TRIM23: variants seen among roughly 807,000 people sequenced by gnomAD.
TRIM23 encodes tripartite motif containing 23, also known as E3 ubiquitin-protein ligase TRIM23.
A neutral mutation model predicts 71.0 loss-of-function variants in TRIM23; 27 were observed. The ratio of observed to expected loss-of-function variants is 0.38; its 90% CI spans 0.28 to 0.52. TRIM23 has a LOEUF of 0.52. TRIM23 is among the 20% of genes least tolerant of loss of function. The pLI, the probability that TRIM23 is intolerant of heterozygous loss-of-function variation, is 0.84. For missense variants in TRIM23, 482 were observed against 692.3 expected (o/e 0.70, Z 3.41); for synonymous variants, 234 against 238.0 (o/e 0.98, Z 0.16).
At position 65,611,828 on chromosome 5, in the gene TRIM23, A is replaced by G. The variant is rs80051180; in HGVS notation, c.420T>C (p.Thr140=). The G allele has an allele frequency of 5.6e-5, 91 of 1,613,974 alleles. No individual in the cohort carries two copies. Among genetic ancestry groups the G allele is most frequent in the Non-Finnish European group, 7.6e-5 (90 of 1,179,946 alleles). The change falls in exon 4 of 11, where the codon ACT becomes ACC. Residue 140 remains threonine (T), a synonymous_variant. Coordinates refer to ENST00000231524, the MANE Select transcript of TRIM23 (RefSeq NM_001656.4). The stretch of plus-strand genomic sequence containing the variant: ...CAGAGCACAAATGAGTTGCACACAC[A>G]GTGCAATATACAGAGGCAAGGTGAG... ...DEAHLASVYC[T]VCATHLCSEC...
chr5:65,599,963 G>A (rs1447678637), intron 7 of TRIM23, among the ~76,000 whole-genome samples: 1 of 152,146 alleles, frequency 6.6e-6, no homozygotes, highest in Non-Finnish European at 1.5e-5. Flanking sequence ...GCATGATGCT[G>A]GCATCAGCTT....
intron 7 of TRIM23, among the ~76,000 whole-genome samples, chr5:65,601,589 C>G (rs961369659): frequency 2.6e-5 from 4 of 152,166 alleles, no homozygotes; most frequent in African/African-American, 4.8e-5. Context: ...CATGGGAATT[C>G]TGAGAGATAC....
chr5:65,619,252 C>A (rs1029393331), intron 1 of TRIM23, among the ~76,000 whole-genome samples: 2 of 152,128 alleles, frequency 1.3e-5, no homozygotes, highest in Non-Finnish European at 2.9e-5. Flanking sequence ...TCTCTTCATG[C>A]TAACACTGAG....
intron 1 of TRIM23, among the ~76,000 whole-genome samples, chr5:65,623,412 A>G (rs956654413): frequency 6.6e-5 from 10 of 152,238 alleles, no homozygotes. Context: ...AGGTTACTCT[A>G]TAAACCAATG....
intron 1 of TRIM23, among the ~76,000 whole-genome samples, chr5:65,621,460 T>C (rs1001819491): frequency 2.0e-5 from 3 of 152,236 alleles, no homozygotes; most frequent in African/African-American, 7.2e-5. Flanking sequence ...AAGAACCATA[T>C]TAAAATTGTT....
At position 65,590,155 on chromosome 5, in the gene TRIM23, TTAAC is replaced by T. The variant is rs1400197375; in HGVS notation, c.*1610_*1613del. 2 of 561,558 alleles carry T rather than the reference TTAAC, an allele frequency of 3.6e-6. No individual in the cohort carries two copies. Among genetic ancestry groups the T allele is most frequent in the African/African-American group, 1.9e-5 (1 of 51,412 alleles). The allele number at this position is 561,558 out of a possible 1,614,324, so 34.8% of individuals were successfully genotyped here. A position where few individuals can be genotyped will look rare whatever the true frequency, so the allele number is the denominator to read the frequency against. On this transcript the variant is annotated 3_prime_UTR_variant, in exon 11 of 11. Coordinates refer to ENST00000231524, the MANE Select transcript of TRIM23 (RefSeq NM_001656.4). Reference sequence around the variant, plus strand: ...CCTTAGTGTTACACTTTTTCTTCAATTAACTAGTAAACAGTTCAAGTTCTCACAA... The same window carrying T: ...CCTTAGTGTTACACTTTTTCTTCAATTAGTAAACAGTTCAAGTTCTCACAA...
chr5:65,591,509 TAAC>T lies in TRIM23; in HGVS notation c.*257_*259del. The T allele has an allele frequency of 6.4e-7, 1 of 1,556,894 alleles. No individual in the cohort carries two copies. The highest frequency in any genetic ancestry group is 8.7e-7 in the Non-Finnish European group (1 of 1,143,448). Reference sequence around the variant, plus strand: ...TCACATATTATCTGAAAAACTTAAATAACAAATATACTTTTTAAAAGAATGTAT... The same window carrying T: ...TCACATATTATCTGAAAAACTTAAATAAATATACTTTTTAAAAGAATGTAT... On this transcript the variant is annotated 3_prime_UTR_variant, in exon 11 of 11. Transcript: ENST00000231524.
rs774990380 is a variant in TRIM23 at position 65,610,814 on chromosome 5, G to A, written c.828+47C>T. 2.7e-6 allele frequency: 4 copies of A among 1,488,416 alleles called. No individual in the cohort carries two copies. In the African/African-American group the frequency reaches 5.7e-5, roughly 21 times the overall value. 92.2% of individuals were successfully genotyped at this position (1,488,416 alleles called of 1,614,324 possible). ...ATTACTTAGTAGAAGGTGAAAATAT[G>A]AAAAATAAAAAAGAATGAGAAAGTG... On this transcript the variant is annotated intron_variant, in intron 5 of 10. Coordinates refer to ENST00000231524, the MANE Select transcript of TRIM23 (RefSeq NM_001656.4).
rs539343736 is a variant in TRIM23, at chr5:65,621,414, T to C, written c.81+2780A>G. On this transcript the variant is annotated intron_variant, in intron 1 of 10. Transcript: ENST00000231524. The stretch of plus-strand genomic sequence containing the variant: ...ACATTTTATAAATGCTGTATTATGA[T>C]ACTCTAATAAAGTAAATTTATGACA... Among the ~76,000 whole-genome samples the C allele has an allele frequency of 1.2e-4, 19 of 152,314 alleles. No homozygotes were observed. The East Asian group carries it at 3.5e-3, about 28-fold the overall frequency.
At position 65,590,768 on chromosome 5, in the gene TRIM23, A is replaced by C; in HGVS notation, c.*1001T>G. ...AGCCTTAAGTTTTATTGTCAAAATA[A>C]ATGCACTTATTTTGGGAAACAGTTT... On this transcript the variant is annotated 3_prime_UTR_variant, in exon 11 of 11. Transcript: ENST00000231524. 2.0e-6 allele frequency: 2 copies of C among 985,456 alleles called. No homozygotes were observed. The highest frequency in any genetic ancestry group is 2.4e-6 in the Non-Finnish European group (2 of 829,954). 61.0% of individuals were successfully genotyped at this position (985,456 alleles called of 1,614,324 possible).
chr5:65,619,668 T>C (rs1021068243), intron 1 of TRIM23, among the ~76,000 whole-genome samples: 5 of 152,236 alleles, frequency 3.3e-5, no homozygotes, highest in Middle Eastern at 6.8e-3. Flanking sequence ...AGTCCTTCAA[T>C]GTAAATAAGG....
intron 9 of TRIM23, among the ~76,000 whole-genome samples, chr5:65,595,559 A>C (rs1187087115): frequency 2.2e-4 from 6 of 27,052 alleles, no homozygotes; most frequent in African/African-American, 7.4e-4. Context: ...CTCGATCTCA[A>C]AAAAAAAAAA....
intron 4 of TRIM23, 96 bp from the exon 5 acceptor site, chr5:65,611,139 C>A: frequency 9.0e-7 from 1 of 1,116,558 alleles, no homozygotes; most frequent in Non-Finnish European, 1.2e-6. Flanking sequence ...AAAGCATCAG[C>A]CACAAGTGAC....
At chr5:65,624,170 A>C in intron 1 of TRIM23, 24 bp downstream of exon 1, 1 of 1,614,088 alleles carries the variant, frequency 6.2e-7, no homozygotes, top group Non-Finnish European at 8.5e-7. Flanking sequence ...GATGGTGGAG[A>C]ATAGAGCACG....
intron 7 of TRIM23, 30 bp from the exon 8 acceptor site, chr5:65,597,210 G>A: frequency 6.2e-7 from 1 of 1,609,096 alleles, no homozygotes; most frequent in South Asian, 1.1e-5. Context: ...AAATATGTTT[G>A]ACATGCAGTT....
At chr5:65,623,194 G>GA (rs758382541) in intron 1 of TRIM23, among the ~76,000 whole-genome samples, 2 of 152,104 alleles carry the variant, frequency 1.3e-5, no homozygotes, top group African/African-American at 2.4e-5. Flanking sequence ...TTCAAGATGT[G>GA]AAAAAAACTT....
At chr5:65,601,007 T>C (rs963289928) in intron 7 of TRIM23, among the ~76,000 whole-genome samples, 1 of 152,190 alleles carries the variant, frequency 6.6e-6, no homozygotes, top group African/African-American at 2.4e-5. Flanking sequence ...TTGGTGAAAA[T>C]GTGGAGAAAC....
At chr5:65,612,236 A>G (rs1017572691) in intron 3 of TRIM23, among the ~76,000 whole-genome samples, 50 of 152,220 alleles carry the variant, frequency 3.3e-4, no homozygotes, top group African/African-American at 1.1e-3. Context: ...TAAAACTACA[A>G]AAATCTGATA....
chr5:65,613,932 T>C, intron 3 of TRIM23, 166 bp downstream of exon 3: 8 of 1,512,352 alleles, frequency 5.3e-6, no homozygotes, highest in Non-Finnish European at 7.1e-6. Flanking sequence ...ATTCTAGTTT[T>C]TTCTCTTGGG....
Sources: allele counts gnomAD v4.1 joint callset (sites outside exome capture counted in the v4.1 genomes callset), GRCh38; gene constraint gnomAD v4.1.1; transcripts MANE v1.5; gene names NCBI Gene and HGNC (gene_info 2026-07-23, HGNC 2026-07-21).